UTP18: variants seen among roughly 807,000 people sequenced by gnomAD.
UTP18 encodes the protein UTP18 small subunit processome component.
UTP18 carries 36 observed loss-of-function variants against 61.1 expected under a neutral mutation model. The observed-to-expected ratio is 0.59, with a 90% CI of 0.45 to 0.78. The LOEUF (loss-of-function observed/expected upper bound fraction) is 0.78. UTP18 is among the 30% of genes least tolerant of loss of function. UTP18 has a pLI of 0.00. For missense variants in UTP18, 753 were observed against 693.9 expected, an observed-to-expected ratio of 1.09 and a Z score of -0.96; for synonymous variants, 282 against 251.1, an observed-to-expected ratio of 1.12 and a Z score of -1.16.
In UTP18 at chr17:51,277,165, C is replaced by T; in HGVS notation, c.873C>T (p.Ile291=). 2.5e-6 allele frequency: 4 copies of T among 1,614,056 alleles called. No homozygotes were observed. The highest frequency in any genetic ancestry group is 2.5e-6 in the Non-Finnish European group (3 of 1,179,998). ...AAACAAATCCTAAAATTCAGAGCATCTATTTGGAAAGGTTTCCAATCTTTA... is the reference window on the plus strand; with the variant it reads ...AAACAAATCCTAAAATTCAGAGCATTTATTTGGAAAGGTTTCCAATCTTTA... The part of the protein sequence containing the change: ...DGKTNPKIQS[I]YLERFPIFKA... The change falls in exon 7 of 14, where the codon ATC becomes ATT. Residue 291 remains isoleucine, a synonymous_variant. Transcript: ENST00000225298.
At chr17:51,290,001 A>G (rs553237580) in intron 11 of UTP18, among the ~76,000 whole-genome samples, 61 of 152,318 alleles carry the variant, frequency 4.0e-4, no homozygotes, top group Non-Finnish European at 8.1e-4. Context: ...GATTCTGCAC[A>G]GGGCTTTATA....
chr17:51,291,049 G>A (rs1169045356), intron 11 of UTP18, among the ~76,000 whole-genome samples: 3 of 152,194 alleles, frequency 2.0e-5, no homozygotes, highest in Non-Finnish European at 4.4e-5. Flanking sequence ...GGATGAGCGA[G>A]CTTTTACTTG....
rs756479587 is a variant in UTP18 at position 51,260,749 on chromosome 17, C to G, written c.165C>G (p.Ser55Arg). 47 of 1,581,850 alleles carry G rather than the reference C, an allele frequency of 3.0e-5. No homozygotes were observed. The South Asian group carries it at 5.3e-4, about 18-fold the overall frequency. Residue 55 changes from serine (S) to arginine (R), a missense_variant, in exon 1 of 14, where the codon AGC becomes AGG. By Grantham distance (110) the Ser-to-Arg change is moderately radical. Transcript: ENST00000225298. ...AGCGGAAACCGCCGGCCCGGCCGAGCGCGGCGGCCGCTGCGATTGCAGTCG... is the reference window on the plus strand; with the variant it reads ...AGCGGAAACCGCCGGCCCGGCCGAGGGCGGCGGCCGCTGCGATTGCAGTCG... ...SSQRKPPARP[S>R]AAAAAIAVAA...
At chr17:51,262,026 A>G (rs1293464297) in intron 1 of UTP18, among the ~76,000 whole-genome samples, 1 of 151,896 alleles carries the variant, frequency 6.6e-6, no homozygotes, top group Non-Finnish European at 1.5e-5. Flanking sequence ...CCACTTGGAC[A>G]TTTCTATCAT....
rs533997410 is a variant in UTP18, at chr17:51,290,796, C to G, written c.1503+2593C>G. Among the ~76,000 whole-genome samples the G allele has an allele frequency of 8.5e-5, 13 of 152,254 alleles. No individual in the cohort carries two copies. In the South Asian group the frequency reaches 1.7e-3, roughly 19 times the overall value. Reference sequence around the variant, plus strand: ...ATCACAGTTTTTAAATGGTAGTCAACCATAATATCTAATGGAAAGAAGCCA... The same window carrying G: ...ATCACAGTTTTTAAATGGTAGTCAAGCATAATATCTAATGGAAAGAAGCCA... On this transcript the variant is annotated intron_variant, in intron 11 of 13. Transcript: ENST00000225298.
chr17:51,260,739 C>T lies in UTP18; in HGVS notation c.155C>T (p.Ala52Val), dbSNP rs1187282705. The T allele has an allele frequency of 3.8e-6, 6 of 1,587,836 alleles. No homozygotes were observed. In the African/African-American group the frequency reaches 6.7e-5, roughly 18 times the overall value. Residue 52 changes from alanine (A) to valine (V), a missense_variant, in exon 1 of 14, where the codon GCC becomes GTC. Ala to Val is a moderately conservative substitution (Grantham distance 64). Coordinates refer to ENST00000225298, the MANE Select transcript of UTP18 (RefSeq NM_016001.3). The stretch of plus-strand genomic sequence containing the variant: ...CCTTCATCCCAGCGGAAACCGCCGG[C>T]CCGGCCGAGCGCGGCGGCCGCTGCG... ...PAPSSQRKPP[A>V]RPSAAAAAIA... is the part of the protein sequence containing the mutation.
chr17:51,288,103 C>G lies in UTP18; in HGVS notation c.1403C>G (p.Ala468Gly). ...LQETNPKPIK[A>G]IMNLVTGVTS... ...GAAACAAACCCAAAGCCAATAAAAG[C>G]TATAATGAACTTGGTTACAGGTGTT... Residue 468 changes from alanine to glycine, a missense_variant, in exon 11 of 14, where the codon GCT becomes GGT. Ala to Gly is a moderately conservative substitution (Grantham distance 60, BLOSUM62 0). Coordinates refer to ENST00000225298, the MANE Select transcript of UTP18 (RefSeq NM_016001.3). The G allele has an allele frequency of 1.2e-6, 2 of 1,610,644 alleles. No homozygotes were observed. The highest frequency in any genetic ancestry group is 1.7e-6 in the Non-Finnish European group (2 of 1,179,028).
chr17:51,290,059 T>A (rs1284671684), intron 11 of UTP18, among the ~76,000 whole-genome samples: 1 of 152,174 alleles, frequency 6.6e-6, no homozygotes, highest in Non-Finnish European at 1.5e-5. Flanking sequence ...TTGTATCATG[T>A]AGAGCAGTGT....
chr17:51,287,632 C>T (rs937527862), intron 10 of UTP18, among the ~76,000 whole-genome samples: 1 of 151,996 alleles, frequency 6.6e-6, no homozygotes, highest in Non-Finnish European at 1.5e-5. Flanking sequence ...GAATGCAGTG[C>T]ATAATTAGGA....
At chr17:51,263,204 G>A in intron 1 of UTP18, 70 bp from the exon 2 acceptor site, 2 of 1,268,156 alleles carry the variant, frequency 1.6e-6, no homozygotes, top group Middle Eastern at 1.9e-4. Flanking sequence ...CCATTTGGCT[G>A]TAAGGCCTAT....
At chr17:51,277,022 C>A in intron 6 of UTP18, 108 bp from the exon 7 acceptor site, 1 of 1,187,642 alleles carries the variant, frequency 8.4e-7, no homozygotes, top group Non-Finnish European at 1.2e-6. Context: ...CAGCCTTCAG[C>A]CCCTTGGATA....
intron 3 of UTP18, among the ~76,000 whole-genome samples, chr17:51,268,611 G>A (rs1192544316): frequency 6.6e-6 from 1 of 152,208 alleles, no homozygotes; most frequent in Non-Finnish European, 1.5e-5. Flanking sequence ...ATGTATCCAG[G>A]ACTAGTTTAA....
chr17:51,263,558 C>CT (rs2144390055), intron 2 of UTP18, among the ~76,000 whole-genome samples, 172 bp downstream of exon 2: 1 of 152,352 alleles, frequency 6.6e-6, no homozygotes, highest in African/African-American at 2.4e-5. Flanking sequence ...GGGAGAACTG[C>CT]TGTTAGCATG....
At chr17:51,276,749 T>G (rs1006981978) in intron 6 of UTP18, among the ~76,000 whole-genome samples, 1 of 152,202 alleles carries the variant, frequency 6.6e-6, no homozygotes. Flanking sequence ...TTTTAGAGAA[T>G]AACACTTGGT....
At chr17:51,275,721 GTTTTT>G in intron 5 of UTP18, 140 bp from the exon 6 acceptor site, 1 of 654,418 alleles carries the variant, frequency 1.5e-6, no homozygotes, top group Non-Finnish European at 2.1e-6. Flanking sequence ...TTTGTTTTTT[GTTTTT>G]TTTTTTTGAG....
intron 4 of UTP18, among the ~76,000 whole-genome samples, chr17:51,269,314 A>C (rs1222530591): frequency 2.0e-5 from 3 of 150,686 alleles, no homozygotes; most frequent in Admixed American, 6.7e-5. Flanking sequence ...AAAAAAAAAA[A>C]AAAAAAAAAA....
chr17:51,266,279 GAGTA>G lies in UTP18; in HGVS notation c.554+3_554+6del, dbSNP rs1181277830. ...CAACCTTAAAAAGAGACTTAAAGAA[GAGTA>G]AGTGTCTTTTTTCATATGATTTACC... On this transcript the variant is annotated splice_donor_variant and splice_donor_region_variant and coding_sequence_variant and intron_variant, in exon 3 of 14. Transcript: ENST00000225298. LOFTEE classifies it high-confidence loss of function. 2.5e-6 allele frequency: 4 copies of G among 1,584,986 alleles called. No individual in the cohort carries two copies. The highest frequency in any genetic ancestry group is 2.7e-5 in the African/African-American group (2 of 73,234).
chr17:51,290,418 A>AAACAAC (rs576096725), intron 11 of UTP18, among the ~76,000 whole-genome samples: 1 of 152,060 alleles, frequency 6.6e-6, no homozygotes, highest in Non-Finnish European at 1.5e-5. Flanking sequence ...TCTGTCTCAA[A>AAACAAC]AACAACAACA....
chr17:51,261,723 C>T (rs1310440425), intron 1 of UTP18, among the ~76,000 whole-genome samples: 3 of 151,874 alleles, frequency 2.0e-5, no homozygotes, highest in Non-Finnish European at 2.9e-5. Context: ...GGGAGATGGG[C>T]GTGTGTAGAG....
Sources: allele counts gnomAD v4.1 joint callset (sites outside exome capture counted in the v4.1 genomes callset), GRCh38; gene constraint gnomAD v4.1.1; transcripts MANE v1.5; gene names NCBI Gene and HGNC (gene_info 2026-07-23, HGNC 2026-07-21).